The following EPS8 variants were observed in gnomAD, a reference collection of about 807,000 sequenced individuals.
EPS8 encodes the protein epidermal growth factor receptor kinase substrate 8.
Under a neutral mutation model 103.8 loss-of-function variants are expected in EPS8, and 42 were observed. The ratio of observed to expected loss-of-function variants is 0.40; its 90% CI spans 0.32 to 0.52. The LOEUF is 0.52. Among genes scored for constraint, EPS8 ranks in the 20% least tolerant of loss-of-function variants. EPS8 has a pLI of 0.40. For missense variants in EPS8, 969 were observed against 1,005.1 expected (o/e 0.96, Z 0.49); for synonymous variants, 344 against 344.6 (o/e 1.00, Z 0.02).
At chr12:15,687,143 C>T (rs1946106822) in intron 1 of EPS8, among the ~76,000 whole-genome samples, 1 of 151,882 alleles carries the variant, frequency 6.6e-6, no homozygotes, top group African/African-American at 2.4e-5. Context: ...TTCTTTAAAC[C>T]TCTTAAATCA....
rs1946225490 is a variant in EPS8, at chr12:15,695,117, T to C, written c.-21-12145A>G. On this transcript the variant is annotated intron_variant, in intron 1 of 20. Coordinates refer to ENST00000281172, the MANE Select transcript of EPS8 (RefSeq NM_004447.6). This position sits in a 1 kb window ranked among gnomAD's most constrained non-coding sequence, Gnocchi z 5.0. ...TGAGACTTTAAATTAGAGTTATAAG[T>C]AAAGGTAATTTGGCCATGACATCAG... 6.6e-6 allele frequency among the ~76,000 whole-genome samples: 1 copy of C among 152,212 alleles called. No individual in the cohort carries two copies. The highest frequency in any genetic ancestry group is 2.4e-5 in the African/African-American group (1 of 41,456).
chr12:15,711,398 T>C (rs1248220760), intron 1 of EPS8, among the ~76,000 whole-genome samples: 1 of 152,182 alleles, frequency 6.6e-6, no homozygotes, highest in Non-Finnish European at 1.5e-5. Flanking sequence ...CATTTCCTCT[T>C]ATATACAATT....
chr12:15,725,325 A>T lies in EPS8; in HGVS notation c.-21-42353T>A, dbSNP rs540368120. 6.6e-6 allele frequency among the ~76,000 whole-genome samples: 1 copy of T among 152,186 alleles called. No individual in the cohort carries two copies. The highest frequency in any genetic ancestry group is 1.9e-4 in the East Asian group (1 of 5,168). ...CAAGAGATCTCCGGAAAAGTCATGT[A>T]GCTGGTTGCAGTGGCTCACACCTGT... is the stretch of plus-strand genomic sequence containing the variant. On this transcript the variant is annotated intron_variant, in intron 1 of 20. Coordinates refer to ENST00000281172, the MANE Select transcript of EPS8 (RefSeq NM_004447.6). The surrounding 1 kb of genome is among the most constrained non-coding windows in gnomAD (Gnocchi z 4.5).
rs534847884 is a variant in EPS8, at chr12:15,721,455, G to A, written c.-21-38483C>T. ...CTACATAATACTCAGCTAAAAGAAC[G>A]AGGTTTGTGGGGCTCAACAAAAAAG... On this transcript the variant is annotated intron_variant, in intron 1 of 20. Transcript: ENST00000281172. This position sits in a 1 kb window ranked among gnomAD's most constrained non-coding sequence, Gnocchi z 4.4. Among the ~76,000 whole-genome samples, 24 of 152,222 alleles carry A rather than the reference G, an allele frequency of 1.6e-4. No homozygotes were observed. In the East Asian group the frequency reaches 4.3e-3, roughly 27 times the overall value.
intron 1 of EPS8, among the ~76,000 whole-genome samples, chr12:15,744,600 T>C (rs1946857249): frequency 6.6e-6 from 1 of 152,200 alleles, no homozygotes; most frequent in African/African-American, 2.4e-5. Context: ...CCCATGAAGG[T>C]AAGTTGTAAT....
rs947571509 is a variant in EPS8, at chr12:15,736,012, A to G, written c.-21-53040T>C. ...GCAATCCTTCCACCTTGGCCTCCCA[A>G]GTAGCTAGGACTACAGGTGCGTACC... On this transcript the variant is annotated intron_variant, in intron 1 of 20. Coordinates refer to ENST00000281172, the MANE Select transcript of EPS8 (RefSeq NM_004447.6). This position sits in a 1 kb window ranked among gnomAD's most constrained non-coding sequence, Gnocchi z 4.2. Among the ~76,000 whole-genome samples the G allele has an allele frequency of 1.3e-5, 2 of 152,112 alleles. No homozygotes were observed. Among genetic ancestry groups the G allele is most frequent in the African/African-American group, 4.8e-5 (2 of 41,420 alleles).
Position 15,681,314 on chromosome 12 carries a change from A to G in EPS8, c.60-12T>C. On this transcript the variant is annotated splice_polypyrimidine_tract_variant and intron_variant, in intron 2 of 20. Coordinates refer to ENST00000281172, the MANE Select transcript of EPS8 (RefSeq NM_004447.6). ...ATGATCCGTAGCCACTGTAATAATA[A>G]TAATAATAATAATAATAATAATATA... 1.0e-6 allele frequency: 1 copy of G among 967,418 alleles called. No homozygotes were observed. The highest frequency in any genetic ancestry group is 1.4e-6 in the Non-Finnish European group (1 of 720,054). 59.9% of individuals were successfully genotyped at this position (967,418 alleles called of 1,614,324 possible).
At chr12:15,768,429 CAAAAAAAAA>C (rs71042268) in intron 1 of EPS8, among the ~76,000 whole-genome samples, 51 of 24,858 alleles carry the variant, frequency 2.1e-3, no homozygotes, top group African/African-American at 4.7e-3. Flanking sequence ...GACTCCATCT[CAAAAAAAAA>C]AAAAAAAAAA....
Position 15,747,510 on chromosome 12 carries a change from T to C in EPS8, c.-22+41651A>G, listed in dbSNP as rs1021912379. Among the ~76,000 whole-genome samples, 3 of 152,120 alleles carry C rather than the reference T, an allele frequency of 2.0e-5. No individual in the cohort carries two copies. The highest frequency in any genetic ancestry group is 7.2e-5 in the African/African-American group (3 of 41,418). On this transcript the variant is annotated intron_variant, in intron 1 of 20. Coordinates refer to ENST00000281172, the MANE Select transcript of EPS8 (RefSeq NM_004447.6). This position sits in a 1 kb window ranked among gnomAD's most constrained non-coding sequence, Gnocchi z 4.4. ...AAGTTAAATTATTTTTGTGAACTGA[T>C]AGAGAACCCCCAGTTACCATCTACA...
rs974946209 is a variant in EPS8, at chr12:15,700,136, C to G, written c.-21-17164G>C. On this transcript the variant is annotated intron_variant, in intron 1 of 20. Coordinates refer to ENST00000281172, the MANE Select transcript of EPS8 (RefSeq NM_004447.6). The surrounding 1 kb of genome is among the most constrained non-coding windows in gnomAD (Gnocchi z 5.1). ...TGCCTCTGCACTGCAGCCTGGGGGA[C>G]AGAATGAGACTCCATCTCAAAAACA... Among the ~76,000 whole-genome samples, 1 of 152,156 alleles carries G rather than the reference C, an allele frequency of 6.6e-6. No individual in the cohort carries two copies. Among genetic ancestry groups the G allele is most frequent in the Non-Finnish European group, 1.5e-5 (1 of 68,018 alleles).
intron 1 of EPS8, chr12:15,712,848 C>T (rs1351312000): frequency 8.1e-6 from 8 of 984,728 alleles, no homozygotes; most frequent in Admixed American, 6.2e-5. Context: ...TTCAAACTTA[C>T]CTACCCACAC....
intron 1 of EPS8, among the ~76,000 whole-genome samples, chr12:15,722,620 C>T (rs1314756452): frequency 6.6e-6 from 1 of 152,126 alleles, no homozygotes; most frequent in Non-Finnish European, 1.5e-5. Flanking sequence ...AGCAAAAATG[C>T]CTTATGCTGG....
Position 15,731,443 on chromosome 12 carries a change from G to C in EPS8, c.-21-48471C>G, listed in dbSNP as rs111831436. Among the ~76,000 whole-genome samples the C allele has an allele frequency of 3.1e-3, 475 of 152,210 alleles. 6 individuals carry two copies. Among genetic ancestry groups the C allele is most frequent in the African/African-American group, 9.6e-3 (398 of 41,532 alleles). Reference sequence around the variant, plus strand: ...ATTCCCAAAAGCTGGGATTACAGGTGCCTGCCACCACGCCTGGCTAATTTT... The same window carrying C: ...ATTCCCAAAAGCTGGGATTACAGGTCCCTGCCACCACGCCTGGCTAATTTT... On this transcript the variant is annotated intron_variant, in intron 1 of 20. Transcript: ENST00000281172. The surrounding 1 kb of genome is among the most constrained non-coding windows in gnomAD (Gnocchi z 5.1).
In EPS8 at chr12:15,640,697, G is replaced by T; in HGVS notation, c.1821+6C>A. On this transcript the variant is annotated splice_donor_region_variant and intron_variant, in intron 17 of 20. Coordinates refer to ENST00000281172, the MANE Select transcript of EPS8 (RefSeq NM_004447.6). ...ATACTACATTTTACTAAGAAATCATGCTCACCTGTATAGTATGAGTATAAG... is the reference window on the plus strand; with the variant it reads ...ATACTACATTTTACTAAGAAATCATTCTCACCTGTATAGTATGAGTATAAG... 1 of 1,610,002 alleles carries T rather than the reference G, an allele frequency of 6.2e-7. No individual in the cohort carries two copies. The highest frequency in any genetic ancestry group is 8.5e-7 in the Non-Finnish European group (1 of 1,178,024).
chr12:15,651,089 T>C, intron 13 of EPS8, 83 bp from the exon 14 acceptor site: 2 of 1,076,322 alleles, frequency 1.9e-6, no homozygotes, highest in Non-Finnish European at 1.4e-6. Context: ...AGGCTAGACA[T>C]ACACACGCAC....
At chr12:15,660,545 T>G in intron 10 of EPS8, 69 bp downstream of exon 10, 2 of 814,882 alleles carry the variant, frequency 2.5e-6, no homozygotes, top group Admixed American at 1.8e-5. Flanking sequence ...ATTACAGGTG[T>G]GAGCCACTGC....
At position 15,771,680 on chromosome 12, in the gene EPS8, C is replaced by A. The variant is rs572225211; in HGVS notation, c.-22+17481G>T. 6.6e-6 allele frequency among the ~76,000 whole-genome samples: 1 copy of A among 151,650 alleles called. No homozygotes were observed. Among genetic ancestry groups the A allele is most frequent in the African/African-American group, 2.4e-5 (1 of 41,348 alleles). On this transcript the variant is annotated intron_variant, in intron 1 of 20. Coordinates refer to ENST00000281172, the MANE Select transcript of EPS8 (RefSeq NM_004447.6). The surrounding 1 kb of genome is among the most constrained non-coding windows in gnomAD (Gnocchi z 4.6). ...AGAAATTCTCCGTAGGATTGCACTG[C>A]ACTCCAGCCTGGGTAACAGAACAAG...
At chr12:15,653,344 A>T (rs1945447647) in intron 13 of EPS8, among the ~76,000 whole-genome samples, 1 of 152,080 alleles carries the variant, frequency 6.6e-6, no homozygotes, top group Admixed American at 6.6e-5. Flanking sequence ...ACAGAACCAC[A>T]CTCTAACTCT....
chr12:15,722,349 A>C (rs1360554874), intron 1 of EPS8, among the ~76,000 whole-genome samples: 2 of 152,092 alleles, frequency 1.3e-5, no homozygotes, highest in Non-Finnish European at 2.9e-5. Context: ...TATGTAACTA[A>C]TCTTTCCTTG....
Sources: allele counts gnomAD v4.1 joint callset (sites outside exome capture counted in the v4.1 genomes callset), GRCh38; gene constraint gnomAD v4.1.1; non-coding constraint Gnocchi (gnomAD v3.1); transcripts MANE v1.5; gene names NCBI Gene and HGNC (gene_info 2026-07-23, HGNC 2026-07-21).